Variants in RTEL1 observed in about 807,000 individuals in gnomAD.
RTEL1 encodes regulator of telomere length.
RTEL1 carries 86 observed loss-of-function variants against 162.2 expected under a neutral mutation model. The observed-to-expected ratio is 0.53, with a 90% CI of 0.45 to 0.63. The LOEUF is 0.63. Ranked by LOEUF, RTEL1 falls within the 30% of genes least tolerant of loss-of-function variation. The pLI is 0.00. For missense variants in RTEL1, 1,941 were observed against 1,750.2 expected, an observed-to-expected ratio of 1.11 and a Z score of -1.95; for synonymous variants, 958 against 717.9, an observed-to-expected ratio of 1.33 and a Z score of -5.35.
At chr20:63,677,216 C>T (rs1048898463) in intron 10 of RTEL1, among the ~76,000 whole-genome samples, 3 of 152,216 alleles carry the variant, frequency 2.0e-5, no homozygotes, top group South Asian at 2.1e-4. Flanking sequence ...CAAGACCCGC[C>T]ATGCGGCAGC....
In RTEL1 at chr20:63,661,804, C is replaced by T. The variant is rs565722682; in HGVS notation, c.302-46C>T. ...GCCACCTGCCTTTGATACGTGAGAA[C>T]GTTGTCTGAGAACCGTGACTTCTGT... On this transcript the variant is annotated intron_variant, in intron 3 of 34. Coordinates refer to ENST00000360203, the MANE Select transcript of RTEL1 (RefSeq NM_001283009.2). This position sits in a 1 kb window ranked among gnomAD's most constrained non-coding sequence, Gnocchi z 5.1. 12 of 1,541,990 alleles carry T rather than the reference C, an allele frequency of 7.8e-6. No individual in the cohort carries two copies. The highest frequency in any genetic ancestry group is 6.7e-5 in the East Asian group (3 of 44,516).
chr20:63,691,631 C>T, intron 27 of RTEL1, 111 bp from the exon 28 acceptor site: 1 of 902,766 alleles, frequency 1.1e-6, no homozygotes, highest in Non-Finnish European at 1.8e-6. Flanking sequence ...CCCCGACCTC[C>T]ATCTTGGCTC....
chr20:63,696,249 C>T (rs547847403), downstream of RTEL1: 115 of 291,960 alleles, frequency 3.9e-4, no homozygotes, highest in Admixed American at 2.3e-3. Context: ...GTGCCCAGGA[C>T]GGTGTCTTCG....
intron 10 of RTEL1, among the ~76,000 whole-genome samples, chr20:63,676,422 G>C (rs1213230282): frequency 6.6e-6 from 1 of 152,148 alleles, no homozygotes; most frequent in Non-Finnish European, 1.5e-5. Context: ...CTCCAGATGG[G>C]ACGTCCTTTC....
At chr20:63,677,371 T>C (rs1010463553) in intron 10 of RTEL1, among the ~76,000 whole-genome samples, 9 of 152,138 alleles carry the variant, frequency 5.9e-5, no homozygotes, top group African/African-American at 2.2e-4. Context: ...TCCCAGCACT[T>C]TGGGAGACCA....
chr20:63,678,084 A>G, intron 10 of RTEL1, 61 bp from the exon 11 acceptor site: 4 of 1,598,562 alleles, frequency 2.5e-6, no homozygotes, highest in Non-Finnish European at 3.4e-6. Context: ...CTGGTTCTCA[A>G]GGGCGGGGTT....
At position 63,661,526 on chromosome 20, in the gene RTEL1, C is replaced by T; in HGVS notation, c.301+30C>T. ...CCCTAGTTCCCAGGCCTCTCCTGGCCTCCTGTGGGGATGGTTGGCAAGGGA... is the reference window on the plus strand; with the variant it reads ...CCCTAGTTCCCAGGCCTCTCCTGGCTTCCTGTGGGGATGGTTGGCAAGGGA... On this transcript the variant is annotated intron_variant, in intron 3 of 34. Coordinates refer to ENST00000360203, the MANE Select transcript of RTEL1 (RefSeq NM_001283009.2). The surrounding 1 kb of genome is among the most constrained non-coding windows in gnomAD (Gnocchi z 5.1). 6.3e-7 allele frequency: 1 copy of T among 1,592,174 alleles called. No homozygotes were observed.
At position 63,672,549 on chromosome 20, in the gene RTEL1, C is replaced by A. The variant is rs762108680; in HGVS notation, c.700-7C>A. On this transcript the variant is annotated splice_polypyrimidine_tract_variant and splice_region_variant and intron_variant, in intron 8 of 34. Transcript: ENST00000360203. ...CCAGCGCTGCGTCCCTTCTCTTCCT[C>A]CTGTAGAGCCGCAGAGCACACAACA... 5.7e-6 allele frequency: 9 copies of A among 1,573,030 alleles called. No homozygotes were observed. The highest frequency in any genetic ancestry group is 7.8e-6 in the Non-Finnish European group (9 of 1,156,836).
Position 63,690,145 on chromosome 20 carries a change from G to T in RTEL1, c.2200G>T (p.Val734Leu). 6.2e-7 allele frequency: 1 copy of T among 1,612,538 alleles called. No individual in the cohort carries two copies. Among genetic ancestry groups the T allele is most frequent in the Non-Finnish European group, 8.5e-7 (1 of 1,179,852 alleles). The change falls in exon 25 of 35, where the codon GTG becomes TTG. Residue 734 changes from valine to leucine, a missense_variant. Transcript: ENST00000360203. Reference protein sequence around the residue: ...LPSWVRPHVRVYDNFGHVIRD... With the variant: ...LPSWVRPHVRLYDNFGHVIRD... ...CTCCTGGGTGCGTCCCCACGTCAGG[G>T]TGTATGACAACTTTGGCCATGTCAT...
At chr20:63,689,477 G>C (rs1426892446) in intron 22 of RTEL1, 25 bp from the exon 23 acceptor site, 1 of 1,532,896 alleles carries the variant, frequency 6.5e-7, no homozygotes, top group Non-Finnish European at 8.8e-7. Flanking sequence ...CACGGCCCCA[G>C]GCAGCTCCCT....
chr20:63,690,743 C>A lies in RTEL1; in HGVS notation c.2414-62C>A. 8 of 1,514,994 alleles carry A rather than the reference C, an allele frequency of 5.3e-6. No homozygotes were observed. In the South Asian group the frequency reaches 9.9e-5, roughly 19 times the overall value. 93.8% of individuals were successfully genotyped at this position (1,514,994 alleles called of 1,614,324 possible). ...CTCTCCCCCAAGAGGGGCTTTGCCA[C>A]AGGCAGGGACCCCAGCTGGGGCCCC... On this transcript the variant is annotated intron_variant, in intron 26 of 34. Coordinates refer to ENST00000360203, the MANE Select transcript of RTEL1 (RefSeq NM_001283009.2).
intron 7 of RTEL1, among the ~76,000 whole-genome samples, chr20:63,666,311 G>A (rs1172109395): frequency 1.3e-5 from 2 of 152,232 alleles, no homozygotes; most frequent in South Asian, 2.1e-4. Flanking sequence ...GAGTGTGGAC[G>A]GAGCCCTGCA....
At chr20:63,694,299 G>GGCCCCCCCCCCC in intron 30 of RTEL1, 73 bp from the exon 31 acceptor site, 1 of 841,720 alleles carries the variant, frequency 1.2e-6, no homozygotes, top group Non-Finnish European at 2.0e-6. Context: ...TCCCTAGCCA[G>GGCCCCCCCCCCC]CCCTGCCCCC....
chr20:63,666,815 A>G (rs1332159799), intron 7 of RTEL1, among the ~76,000 whole-genome samples: 1 of 114,762 alleles, frequency 8.7e-6, no homozygotes, highest in Non-Finnish European at 1.8e-5. Flanking sequence ...CAGGCGTGAG[A>G]CCCCATGCCT....
intron 10 of RTEL1, among the ~76,000 whole-genome samples, chr20:63,675,499 C>T (rs960151976): frequency 2.1e-4 from 15 of 70,082 alleles, no homozygotes; most frequent in African/African-American, 1.4e-3. Flanking sequence ...CTTTAGAATC[C>T]CTTTATATAT....
intron 9 of RTEL1, among the ~76,000 whole-genome samples, chr20:63,673,316 C>A (rs1387029296): frequency 6.6e-6 from 1 of 151,992 alleles, no homozygotes; most frequent in Non-Finnish European, 1.5e-5. Flanking sequence ...ATCACTCGAA[C>A]CCAGGAGGTA....
In RTEL1 at chr20:63,661,621, T is replaced by C. The variant is rs2090022405; in HGVS notation, c.301+125T>C. 9.3e-7 allele frequency: 1 copy of C among 1,077,814 alleles called. No individual in the cohort carries two copies. 66.8% of individuals were successfully genotyped at this position (1,077,814 alleles called of 1,614,324 possible). ...TCAAGCAGAACTCAAGGAGAATTTT[T>C]TAGCTGCTGTATAATTTCTCGCCAT... On this transcript the variant is annotated intron_variant, in intron 3 of 34. Transcript: ENST00000360203. This position sits in a 1 kb window ranked among gnomAD's most constrained non-coding sequence, Gnocchi z 5.1.
chr20:63,694,604 G>A (rs1333460538), intron 31 of RTEL1, 116 bp downstream of exon 31: 5 of 1,216,174 alleles, frequency 4.1e-6, no homozygotes, highest in East Asian at 2.4e-5. Context: ...TCTCATGGTG[G>A]GGACTGCTCC....
In RTEL1 at chr20:63,661,739, G is replaced by A. The variant is rs1343429454; in HGVS notation, c.302-111G>A. The A allele has an allele frequency of 1.3e-5, 13 of 1,020,338 alleles. No homozygotes were observed. The highest frequency in any genetic ancestry group is 9.6e-5 in the Admixed American group (5 of 51,818). The allele number at this position is 1,020,338 out of a possible 1,614,324, so 63.2% of individuals were successfully genotyped here. A position where few individuals can be genotyped will look rare whatever the true frequency, so the allele number is the denominator to read the frequency against. ...TTTTTGATAAACCAGTATCTGGGGTGTCAGATTCTTGGCTGTCTGCAGGGC... is the reference window on the plus strand; with the variant it reads ...TTTTTGATAAACCAGTATCTGGGGTATCAGATTCTTGGCTGTCTGCAGGGC... On this transcript the variant is annotated intron_variant, in intron 3 of 34. Transcript: ENST00000360203. The surrounding 1 kb of genome is among the most constrained non-coding windows in gnomAD (Gnocchi z 5.1).
Sources: allele counts gnomAD v4.1 joint callset (sites outside exome capture counted in the v4.1 genomes callset), GRCh38; gene constraint gnomAD v4.1.1; non-coding constraint Gnocchi (gnomAD v3.1); transcripts MANE v1.5; gene names NCBI Gene and HGNC (gene_info 2026-07-23, HGNC 2026-07-21).